Variants in DLGAP1 observed in about 807,000 individuals in gnomAD.
The protein encoded by DLGAP1 is disks large-associated protein 1.
Under a neutral mutation model 90.8 loss-of-function variants are expected in DLGAP1, and 11 were observed. That is an observed-to-expected ratio of 0.12 (90% CI 0.08 to 0.20). DLGAP1 has a LOEUF of 0.20. Among genes scored for constraint, DLGAP1 ranks in the 10% least tolerant of loss-of-function variants. The pLI, the probability that DLGAP1 is intolerant of heterozygous loss-of-function variation, is 1.00. For synonymous variants in DLGAP1, 558 were observed against 540.7 expected (o/e 1.03, Z -0.44); for missense variants, 1,050 against 1,333.8 (o/e 0.79, Z 3.31).
intron 2 of DLGAP1, among the ~76,000 whole-genome samples, chr18:4,140,501 G>A (rs953111670): frequency 4.0e-5 from 6 of 151,880 alleles, no homozygotes; most frequent in Non-Finnish European, 7.4e-5. Flanking sequence ...AAAAGTTGTT[G>A]TAGTGGTTAT....
intron 1 of DLGAP1, among the ~76,000 whole-genome samples, chr18:4,279,690 TTAAC>T (rs1174055461): frequency 1.3e-5 from 2 of 152,234 alleles, no homozygotes; most frequent in South Asian, 2.1e-4. Context: ...GCTATTTTTC[TTAAC>T]TAAAGTAAAC....
At chr18:4,300,049 C>T (rs933417997) in intron 1 of DLGAP1, among the ~76,000 whole-genome samples, 5 of 151,988 alleles carry the variant, frequency 3.3e-5, no homozygotes, top group African/African-American at 1.2e-4. Flanking sequence ...CTCATTTGTG[C>T]GATAAAGCTT....
At chr18:3,857,000 A>C (rs1468474140) in intron 4 of DLGAP1, among the ~76,000 whole-genome samples, 2 of 152,184 alleles carry the variant, frequency 1.3e-5, no homozygotes, top group Admixed American at 6.5e-5. Flanking sequence ...CTGATTATTT[A>C]GTATAATGCT....
At chr18:4,325,425 C>T (rs1026869509) in intron 1 of DLGAP1, among the ~76,000 whole-genome samples, 4 of 152,032 alleles carry the variant, frequency 2.6e-5, no homozygotes, top group African/African-American at 9.7e-5. Flanking sequence ...ATCAAAATGG[C>T]CATATGGCCA....
At chr18:4,061,659 A>G (rs1195789791) in intron 2 of DLGAP1, among the ~76,000 whole-genome samples, 2 of 152,144 alleles carry the variant, frequency 1.3e-5, no homozygotes, top group Non-Finnish European at 2.9e-5. Context: ...ATTTCTTTGG[A>G]TGGTATTTGT....
intron 1 of DLGAP1, among the ~76,000 whole-genome samples, chr18:4,334,096 G>A (rs1421140071): frequency 6.6e-6 from 1 of 151,416 alleles, no homozygotes; most frequent in Admixed American, 6.6e-5. Flanking sequence ...AAATTAGCTG[G>A]GGGTGGTGGC....
In DLGAP1 at chr18:4,378,325, C is replaced by A. The variant is rs1349920160; in HGVS notation, c.-267+76681G>T. On this transcript the variant is annotated intron_variant, in intron 1 of 12. Coordinates refer to ENST00000315677, the MANE Select transcript of DLGAP1 (RefSeq NM_004746.4). This position sits in a 1 kb window ranked among gnomAD's most constrained non-coding sequence, Gnocchi z 4.5. Reference sequence around the variant, plus strand: ...TTACATTGAACATGTAACTCTATCACTTTTCAATTAAAAATTTAGAAGGTA... The same window carrying A: ...TTACATTGAACATGTAACTCTATCAATTTTCAATTAAAAATTTAGAAGGTA... Among the ~76,000 whole-genome samples the A allele has an allele frequency of 1.3e-5, 2 of 151,856 alleles. No homozygotes were observed.
At chr18:4,420,493 T>A (rs1291068404) in intron 1 of DLGAP1, among the ~76,000 whole-genome samples, 2 of 152,202 alleles carry the variant, frequency 1.3e-5, no homozygotes, top group Non-Finnish European at 2.9e-5. Context: ...TTATCTTTCG[T>A]TTCTACTTAT....
intron 1 of DLGAP1, among the ~76,000 whole-genome samples, chr18:4,352,342 T>C (rs1222619126): frequency 1.3e-5 from 2 of 152,154 alleles, no homozygotes; most frequent in East Asian, 1.9e-4. Context: ...CCTCATATGT[T>C]TGTAGGTGGC....
At chr18:3,757,625 G>C (rs917271798) in intron 5 of DLGAP1, among the ~76,000 whole-genome samples, 1 of 152,080 alleles carries the variant, frequency 6.6e-6, no homozygotes, top group African/African-American at 2.4e-5. Context: ...ACCATATTAA[G>C]GAAACAAAGG....
At chr18:3,746,953 A>G (rs1474725079) in intron 5 of DLGAP1, among the ~76,000 whole-genome samples, 1 of 152,224 alleles carries the variant, frequency 6.6e-6, no homozygotes, top group Non-Finnish European at 1.5e-5. Flanking sequence ...AAACCCTGAG[A>G]ATGTGATAAG....
intron 1 of DLGAP1, among the ~76,000 whole-genome samples, chr18:4,259,088 G>A (rs1382038896): frequency 1.3e-5 from 2 of 152,154 alleles, no homozygotes; most frequent in African/African-American, 4.8e-5. Flanking sequence ...CGTGATTTTT[G>A]TTTTAACCGT....
intron 1 of DLGAP1, among the ~76,000 whole-genome samples, chr18:4,370,633 T>A (rs965140466): frequency 8.5e-5 from 13 of 152,166 alleles, no homozygotes; most frequent in African/African-American, 3.1e-4. Flanking sequence ...TCCAGAGGGA[T>A]GTGGCAGGTT....
At chr18:3,599,414 G>A (rs946701875) in intron 7 of DLGAP1, among the ~76,000 whole-genome samples, 2 of 152,202 alleles carry the variant, frequency 1.3e-5, no homozygotes, top group Non-Finnish European at 2.9e-5. Flanking sequence ...TCACCGCACT[G>A]TAAATAGTTT....
chr18:3,816,973 A>G (rs1238383299), intron 4 of DLGAP1, among the ~76,000 whole-genome samples: 2 of 152,250 alleles, frequency 1.3e-5, no homozygotes, highest in African/African-American at 2.4e-5. Context: ...TCACCACAGC[A>G]ACAAAGATTT....
At chr18:3,823,382 T>C (rs2067529050) in intron 4 of DLGAP1, among the ~76,000 whole-genome samples, 1 of 152,196 alleles carries the variant, frequency 6.6e-6, no homozygotes, top group South Asian at 2.1e-4. Flanking sequence ...TTTTATAACA[T>C]CTAATACACA....
At chr18:4,107,404 C>A (rs1189700007) in intron 2 of DLGAP1, among the ~76,000 whole-genome samples, 2 of 152,194 alleles carry the variant, frequency 1.3e-5, no homozygotes, top group Non-Finnish European at 2.9e-5. Flanking sequence ...GAATACCGAC[C>A]CTCCTCTAGC....
At chr18:4,447,912 T>A (rs1489495764) in intron 1 of DLGAP1, among the ~76,000 whole-genome samples, 1 of 152,168 alleles carries the variant, frequency 6.6e-6, no homozygotes, top group Non-Finnish European at 1.5e-5. Flanking sequence ...CTATTCAGAA[T>A]CTGTCAGTGG....
intron 3 of DLGAP1, among the ~76,000 whole-genome samples, chr18:3,920,025 C>T (rs1364719092): frequency 1.3e-5 from 2 of 152,192 alleles, no homozygotes; most frequent in Non-Finnish European, 1.5e-5. Context: ...ACATCAAACA[C>T]CTTGAATGTA....
Sources: gnomAD v4.1 joint callset for allele counts (sites outside exome capture counted in the v4.1 genomes callset) on GRCh38, gnomAD v4.1.1 for gene constraint, Gnocchi (gnomAD v3.1) non-coding constraint, MANE v1.5 for transcripts, NCBI Gene and HGNC (gene_info 2026-07-23, HGNC 2026-07-21) for gene names.